Variants in DDX31 observed in about 807,000 individuals in gnomAD.
DDX31 encodes the protein ATP-dependent DNA helicase DDX31.
Under a neutral mutation model 91.3 loss-of-function variants are expected in DDX31, and 70 were observed. The observed-to-expected ratio is 0.77, with a 90% CI of 0.63 to 0.94. The LOEUF (loss-of-function observed/expected upper bound fraction) is 0.94, where lower values mean the gene tolerates loss of function less well. Ranked by LOEUF, DDX31 falls within the 40% of genes least tolerant of loss-of-function variation. The pLI, the probability that DDX31 is intolerant of heterozygous loss-of-function variation, is 0.00. For missense variants in DDX31, 902 were observed against 925.0 expected (o/e 0.98, Z 0.32); for synonymous variants, 362 against 350.6 (o/e 1.03, Z -0.36).
rs1274456380 is a variant in DDX31, at chr9:132,595,955, G to C, written c.1995-843C>G. Among the ~76,000 whole-genome samples the C allele has an allele frequency of 6.6e-6, 1 of 152,244 alleles. No individual in the cohort carries two copies. The highest frequency in any genetic ancestry group is 1.5e-5 in the Non-Finnish European group (1 of 68,044). The stretch of plus-strand genomic sequence containing the variant: ...AATCATACATAAGAAGAATGATTAT[G>C]AAAACTGAAGAGTAAAACAATGTTT... On this transcript the variant is annotated intron_variant, in intron 19 of 19. Coordinates refer to ENST00000372159, the MANE Select transcript of DDX31 (RefSeq NM_022779.9). This position sits in a 1 kb window ranked among gnomAD's most constrained non-coding sequence, Gnocchi z 4.6.
intron 13 of DDX31, among the ~76,000 whole-genome samples, chr9:132,643,115 C>T (rs930445102): frequency 6.6e-6 from 1 of 152,170 alleles, no homozygotes; most frequent in African/African-American, 2.4e-5. Flanking sequence ...TGAGCCACCT[C>T]GCCCTGCTGA....
In DDX31 at chr9:132,618,281, G is replaced by C. The variant is rs1831772111; in HGVS notation, c.1825+49C>G. 6.0e-6 allele frequency: 9 copies of C among 1,506,716 alleles called. No individual in the cohort carries two copies. In the East Asian group the frequency reaches 2.2e-4, roughly 36 times the overall value. 93.3% of individuals were successfully genotyped at this position (1,506,716 alleles called of 1,614,324 possible). A position where few individuals can be genotyped will look rare whatever the true frequency, so the allele number is the denominator to read the frequency against. ...GGTATGTGGGTGAAGGTGGGGGAGA[G>C]CACTCTGCTGGGCTATCCACTGCGC... On this transcript the variant is annotated intron_variant, in intron 18 of 19. Transcript: ENST00000372159.
intron 1 of DDX31, among the ~76,000 whole-genome samples, chr9:132,666,948 C>T (rs1336661819): frequency 1.3e-5 from 2 of 151,974 alleles, no homozygotes; most frequent in Non-Finnish European, 2.9e-5. Flanking sequence ...CTCCTGACCT[C>T]GTGATCCACC....
At chr9:132,613,476 C>A (rs112994857) in intron 18 of DDX31, among the ~76,000 whole-genome samples, 18,572 of 152,064 alleles carry the variant, frequency 0.12, 1,235 homozygotes, top group Admixed American at 0.18. Flanking sequence ...GGGGGATCAC[C>A]TGAGGTCAGG....
intron 19 of DDX31, among the ~76,000 whole-genome samples, chr9:132,608,132 G>A (rs894528282): frequency 1.3e-5 from 2 of 152,160 alleles, no homozygotes; most frequent in African/African-American, 4.8e-5. Context: ...TGCATTTCAC[G>A]GAAGGGAAAA....
intron 19 of DDX31, among the ~76,000 whole-genome samples, chr9:132,607,328 T>C (rs1276875833): frequency 6.6e-6 from 1 of 152,204 alleles, no homozygotes; most frequent in East Asian, 1.9e-4. Flanking sequence ...CCAGCTAACA[T>C]TTGGGCTAGG....
At chr9:132,638,373 G>C in intron 14 of DDX31, 2 of 1,614,148 alleles carry the variant, frequency 1.2e-6, no homozygotes, top group South Asian at 1.1e-5. Context: ...ACTGTAAGTA[G>C]GAGGAAATAA....
intron 19 of DDX31, among the ~76,000 whole-genome samples, chr9:132,604,954 G>A (rs1349018463): frequency 1.3e-5 from 2 of 152,298 alleles, no homozygotes; most frequent in South Asian, 2.1e-4. Flanking sequence ...GCTGGACCAC[G>A]AGGGGCATGG....
chr9:132,669,256 G>GGGGGGGGGGGGGGGC (rs1835542122), intron 1 of DDX31, among the ~76,000 whole-genome samples: 2 of 115,508 alleles, frequency 1.7e-5, no homozygotes, highest in East Asian at 2.4e-4. Flanking sequence ...CACCCCGCCC[G>GGGGGGGGGGGGGGGC]CCCCCCCCAA....
intron 2 of DDX31, 32 bp downstream of exon 2, chr9:132,662,407 T>C: frequency 1.2e-5 from 19 of 1,613,814 alleles, no homozygotes; most frequent in Non-Finnish European, 1.6e-5. Context: ...CACATTTTTT[T>C]CTTCCTGAAG....
chr9:132,601,020 T>C (rs918116459), intron 19 of DDX31, among the ~76,000 whole-genome samples: 1 of 152,174 alleles, frequency 6.6e-6, no homozygotes, highest in African/African-American at 2.4e-5. Context: ...AGGGTGAACA[T>C]GGCAGCAGTG....
intron 1 of DDX31, chr9:132,669,467 A>C: frequency 1.4e-6 from 1 of 733,342 alleles, no homozygotes; most frequent in Non-Finnish European, 1.9e-6. Flanking sequence ...AATGTGGGCA[A>C]GATAAAAAAA....
rs954034540 is a variant in DDX31 at position 132,608,232 on chromosome 9, G to A, written c.1994+3855C>T. ...TGTGTATATGTCTATGTCGGTGTTT[G>A]GGGTGGGGGCTGTTTTGACAGGTTT... On this transcript the variant is annotated intron_variant, in intron 19 of 19. Transcript: ENST00000372159. 1.3e-5 allele frequency among the ~76,000 whole-genome samples: 2 copies of A among 152,164 alleles called. 1 individual carries two copies. Among genetic ancestry groups the A allele is most frequent in the South Asian group, 4.1e-4 (2 of 4,826 alleles).
At chr9:132,624,494 G>C (rs1832268690) in intron 17 of DDX31, among the ~76,000 whole-genome samples, 1 of 152,126 alleles carries the variant, frequency 6.6e-6, no homozygotes, top group Non-Finnish European at 1.5e-5. Flanking sequence ...AATTATCTTG[G>C]TTTAGTTAAT....
chr9:132,658,835 G>A, intron 5 of DDX31, 100 bp from the exon 6 acceptor site: 1 of 1,088,870 alleles, frequency 9.2e-7, no homozygotes, highest in Non-Finnish European at 1.3e-6. Flanking sequence ...TCTTCCAGTA[G>A]TACTAAATTC....
rs115069924 is a variant in DDX31, at chr9:132,661,319, G to C, written c.409-68C>G. The C allele has an allele frequency of 1.6e-3, 2,050 of 1,290,152 alleles. 30 individuals are homozygous for C. In the African/African-American group the frequency reaches 0.028, roughly 17 times the overall value. 79.9% of individuals were successfully genotyped at this position (1,290,152 alleles called of 1,614,324 possible). A position where few individuals can be genotyped will look rare whatever the true frequency, so the allele number is the denominator to read the frequency against. ...AAAATATTTAACGGAAATTACACAAGAAAGGAGAAACTATTGAGAGAACAT... is the reference window on the plus strand; with the variant it reads ...AAAATATTTAACGGAAATTACACAACAAAGGAGAAACTATTGAGAGAACAT... On this transcript the variant is annotated intron_variant, in intron 3 of 19. Transcript: ENST00000372159.
In DDX31 at chr9:132,645,952, C is replaced by T. The variant is rs1833805615; in HGVS notation, c.1323G>A (p.Leu441=). 1.9e-6 allele frequency: 3 copies of T among 1,613,796 alleles called. No individual in the cohort carries two copies. Among genetic ancestry groups the T allele is most frequent in the Admixed American group, 1.7e-5 (1 of 59,976 alleles). The change falls in exon 13 of 20, where the codon TTG becomes TTA. Residue 441 remains leucine, a synonymous_variant. Transcript: ENST00000372159. ...SSSGAPASGQ[L]PSASMRLKFL... is the part of the protein sequence containing the mutation. ...ATTTTAATCGCATGGAGGCAGATGG[C>T]AACTGCCCTGATGCCGGCGCCCCTG... is the stretch of plus-strand genomic sequence containing the variant.
intron 17 of DDX31, among the ~76,000 whole-genome samples, chr9:132,621,516 CA>C (rs1193768074): frequency 2.0e-5 from 3 of 152,118 alleles, no homozygotes; most frequent in Non-Finnish European, 4.4e-5. Context: ...CACAGAAGCC[CA>C]AAAATGTATG....
chr9:132,652,590 G>A, intron 6 of DDX31, 98 bp from the exon 7 acceptor site: 1 of 1,460,750 alleles, frequency 6.8e-7, no homozygotes, highest in African/African-American at 1.4e-5. Flanking sequence ...AACATCAGAA[G>A]CACTCTTAAT....
Sources: allele counts gnomAD v4.1 joint callset (sites outside exome capture counted in the v4.1 genomes callset), GRCh38; gene constraint gnomAD v4.1.1; non-coding constraint Gnocchi (gnomAD v3.1); transcripts MANE v1.5; gene names NCBI Gene and HGNC (gene_info 2026-07-23, HGNC 2026-07-21).